Variants in PTPRT observed in about 807,000 individuals in gnomAD.
The protein encoded by PTPRT is protein tyrosine phosphatase receptor type T, also known as receptor-type tyrosine-protein phosphatase T.
PTPRT carries 56 observed loss-of-function variants against 176.8 expected under a neutral mutation model. The observed-to-expected ratio is 0.32, with a 90% confidence interval of 0.26 to 0.40. PTPRT has a LOEUF of 0.40. PTPRT is among the 10% of genes least tolerant of loss of function. The pLI is 1.00. For synonymous variants in PTPRT, 783 were observed against 739.0 expected (o/e 1.06, Z -0.96); for missense variants, 1,540 against 1,908.2 (o/e 0.81, Z 3.60).
intron 7 of PTPRT, among the ~76,000 whole-genome samples, chr20:42,598,643 A>G (rs2073719097): frequency 6.6e-6 from 1 of 152,104 alleles, no homozygotes; most frequent in Non-Finnish European, 1.5e-5. Context: ...AGTTTTTCAA[A>G]CCAATTCCTG....
chr20:43,053,745 T>C (rs1161131728), intron 1 of PTPRT, among the ~76,000 whole-genome samples: 1 of 152,156 alleles, frequency 6.6e-6, no homozygotes, highest in African/African-American at 2.4e-5. Flanking sequence ...GAGGACTGTT[T>C]AATTAACTAC....
At chr20:42,334,170 A>T (rs368561498) in intron 11 of PTPRT, among the ~76,000 whole-genome samples, 4 of 152,318 alleles carry the variant, frequency 2.6e-5, no homozygotes, top group African/African-American at 9.6e-5. Context: ...AGAGTTTCTC[A>T]ATCTTGGCAC....
chr20:42,411,350 C>G (rs2059014588), intron 9 of PTPRT, among the ~76,000 whole-genome samples: 1 of 151,624 alleles, frequency 6.6e-6, no homozygotes, highest in Non-Finnish European at 1.5e-5. Context: ...AACCCTGTCT[C>G]TACTGAAAAT....
intron 13 of PTPRT, among the ~76,000 whole-genome samples, chr20:42,260,255 TC>T (rs1404543558): frequency 1.3e-5 from 2 of 152,104 alleles, no homozygotes; most frequent in Non-Finnish European, 2.9e-5. Context: ...CTCTTTTCCC[TC>T]CCCACCTTGA....
intron 21 of PTPRT, 114 bp downstream of exon 21, chr20:42,118,289 G>A: frequency 1.3e-6 from 1 of 796,118 alleles, no homozygotes; most frequent in Non-Finnish European, 1.9e-6. Flanking sequence ...CTTGTAGGTT[G>A]CCGTGAGGGT....
chr20:42,311,138 G>T (rs935455853), intron 12 of PTPRT, among the ~76,000 whole-genome samples: 3 of 151,886 alleles, frequency 2.0e-5, no homozygotes, highest in South Asian at 2.1e-4. Flanking sequence ...ATTTATTTTT[G>T]TTCTCTCCCC....
chr20:43,001,392 T>C (rs151317398), intron 1 of PTPRT, among the ~76,000 whole-genome samples: 116 of 152,242 alleles, frequency 7.6e-4, no homozygotes, highest in Non-Finnish European at 1.2e-3. Context: ...TGTTAAACTT[T>C]ATTATTTAAA....
chr20:42,807,044 C>T (rs1316397284), intron 2 of PTPRT, among the ~76,000 whole-genome samples: 2 of 152,130 alleles, frequency 1.3e-5, no homozygotes, highest in Non-Finnish European at 2.9e-5. Flanking sequence ...AATTTTTGCC[C>T]TGTTGTATTT....
In PTPRT at chr20:42,790,684, T is replaced by C. The variant is rs150012508; in HGVS notation, c.486+511A>G. Among the ~76,000 whole-genome samples, 1,109 of 152,240 alleles carry C rather than the reference T, an allele frequency of 7.3e-3. 14 individuals carry two copies. Among genetic ancestry groups the C allele is most frequent in the African/African-American group, 0.025 (1,027 of 41,524 alleles). ...TACACACTGTCTGTGACAACTCAAA[T>C]GCCTTTCCCTCCCTCCCTTTTAAAA... On this transcript the variant is annotated intron_variant, in intron 3 of 30. Coordinates refer to ENST00000373187, the MANE Select transcript of PTPRT (RefSeq NM_007050.6).
At chr20:42,392,897 A>G (rs1483603656) in intron 9 of PTPRT, among the ~76,000 whole-genome samples, 6 of 152,242 alleles carry the variant, frequency 3.9e-5, no homozygotes, top group Non-Finnish European at 7.3e-5. Flanking sequence ...TATTTAATAC[A>G]TGTTTTACAC....
intron 26 of PTPRT, among the ~76,000 whole-genome samples, chr20:42,100,886 A>G (rs926716143): frequency 1.3e-5 from 2 of 152,220 alleles, no homozygotes; most frequent in Non-Finnish European, 2.9e-5. Context: ...TACAGAGGAT[A>G]TGGGCACTCT....
At chr20:42,872,199 C>T (rs920304182) in intron 2 of PTPRT, among the ~76,000 whole-genome samples, 2 of 152,306 alleles carry the variant, frequency 1.3e-5, no homozygotes, top group African/African-American at 4.8e-5. Context: ...AAAGTATGAT[C>T]GTGTCAGCAC....
chr20:42,872,892 C>A (rs2078869416), intron 2 of PTPRT, among the ~76,000 whole-genome samples: 1 of 152,072 alleles, frequency 6.6e-6, no homozygotes, highest in African/African-American at 2.4e-5. Flanking sequence ...GATGAGTTCC[C>A]AGGGATGCTT....
At chr20:42,731,216 T>A (rs1001684454) in intron 6 of PTPRT, among the ~76,000 whole-genome samples, 1 of 152,212 alleles carries the variant, frequency 6.6e-6, no homozygotes, top group East Asian at 1.9e-4. Context: ...ATTTCCACCC[T>A]GGTTCTGGCA....
At chr20:43,169,523 C>T (rs1026277495) in intron 1 of PTPRT, among the ~76,000 whole-genome samples, 1 of 152,194 alleles carries the variant, frequency 6.6e-6, no homozygotes, top group East Asian at 1.9e-4. Flanking sequence ...AATGTAGCAA[C>T]AGTTAACTAA....
intron 13 of PTPRT, among the ~76,000 whole-genome samples, chr20:42,256,337 A>T (rs1426546729): frequency 1.3e-5 from 2 of 152,174 alleles, no homozygotes; most frequent in Non-Finnish European, 2.9e-5. Flanking sequence ...ACTTCATTAG[A>T]TTCAAGCCTC....
chr20:42,713,452 T>G (rs1318852818), intron 6 of PTPRT, among the ~76,000 whole-genome samples: 3 of 152,304 alleles, frequency 2.0e-5, no homozygotes, highest in Non-Finnish European at 2.9e-5. Context: ...AGGTTTCTCA[T>G]GGGCAAAATT....
At chr20:42,856,765 C>T (rs1173418858) in intron 2 of PTPRT, among the ~76,000 whole-genome samples, 1 of 151,914 alleles carries the variant, frequency 6.6e-6, no homozygotes, top group Non-Finnish European at 1.5e-5. Flanking sequence ...ACAATAAAAA[C>T]CAAGTTCACG....
At chr20:42,816,265 C>T (rs931083035) in intron 2 of PTPRT, among the ~76,000 whole-genome samples, 7 of 152,078 alleles carry the variant, frequency 4.6e-5, no homozygotes, top group Admixed American at 3.9e-4. Flanking sequence ...AGAGAGAATC[C>T]CTTCAACCTT....
Sources: gnomAD v4.1 joint callset for allele counts (sites outside exome capture counted in the v4.1 genomes callset) on GRCh38, gnomAD v4.1.1 for gene constraint, MANE v1.5 for transcripts, NCBI Gene and HGNC (gene_info 2026-07-23, HGNC 2026-07-21) for gene names.